The following EDIL3 variants were observed in gnomAD, a reference collection of about 807,000 sequenced individuals.
EDIL3 encodes the protein EGF-like repeat and discoidin I-like domain-containing protein 3.
In EDIL3, 37 loss-of-function variants were observed where a neutral mutation model predicts 67.4. The observed-to-expected ratio is 0.55, with a 90% CI of 0.42 to 0.72. The LOEUF is 0.72. Ranked by LOEUF, EDIL3 falls within the 30% of genes least tolerant of loss-of-function variation. The pLI is 0.00. For missense variants in EDIL3, 527 were observed against 586.3 expected, an observed-to-expected ratio of 0.90 and a Z score of 1.04; for synonymous variants, 195 against 196.3, an observed-to-expected ratio of 0.99 and a Z score of 0.05.
intron 3 of EDIL3, among the ~76,000 whole-genome samples, chr5:84,211,924 A>T (rs982794045): frequency 6.6e-6 from 1 of 152,224 alleles, no homozygotes; most frequent in Non-Finnish European, 1.5e-5. Context: ...TGCAATTTGC[A>T]CAAATCCAAG....
chr5:84,006,798 G>A (rs1215997854), intron 9 of EDIL3, among the ~76,000 whole-genome samples: 2 of 151,934 alleles, frequency 1.3e-5, no homozygotes, highest in Admixed American at 6.6e-5. Flanking sequence ...GAAATAAAAC[G>A]TTTAACATTA....
intron 10 of EDIL3, among the ~76,000 whole-genome samples, chr5:83,947,803 T>C (rs1309600348): frequency 6.6e-6 from 1 of 151,872 alleles, no homozygotes; most frequent in Non-Finnish European, 1.5e-5. Context: ...ACTTAGCTCA[T>C]CAAAAGAACT....
chr5:84,033,544 G>A (rs532225811), intron 9 of EDIL3, among the ~76,000 whole-genome samples: 1 of 151,700 alleles, frequency 6.6e-6, no homozygotes, highest in Non-Finnish European at 1.5e-5. Context: ...CTACCTAAAA[G>A]AACAATAAAA....
chr5:84,249,061 T>C (rs1464998461), intron 2 of EDIL3, among the ~76,000 whole-genome samples: 1 of 152,186 alleles, frequency 6.6e-6, no homozygotes, highest in African/African-American at 2.4e-5. Context: ...CTTGTCACCA[T>C]CCTCAGAGTC....
intron 3 of EDIL3, among the ~76,000 whole-genome samples, chr5:84,203,124 T>C (rs1028423176): frequency 2.6e-5 from 4 of 152,152 alleles, no homozygotes; most frequent in South Asian, 4.1e-4. Flanking sequence ...TTGTTGTTCA[T>C]GTCGAATGCT....
At chr5:84,360,729 T>C (rs1181800121) in intron 1 of EDIL3, among the ~76,000 whole-genome samples, 1 of 152,118 alleles carries the variant, frequency 6.6e-6, no homozygotes, top group African/African-American at 2.4e-5. Flanking sequence ...CAAAAAGTGG[T>C]CCTTTAGGAA....
At chr5:84,266,721 A>T (rs933399575) in intron 1 of EDIL3, among the ~76,000 whole-genome samples, 1 of 152,154 alleles carries the variant, frequency 6.6e-6, no homozygotes, top group Non-Finnish European at 1.5e-5. Context: ...CATTCCTATT[A>T]CTTATAACTA....
intron 9 of EDIL3, among the ~76,000 whole-genome samples, chr5:83,996,156 T>C (rs2112164496): frequency 6.6e-6 from 1 of 152,282 alleles, no homozygotes; most frequent in East Asian, 1.9e-4. Context: ...ATTATGTAAG[T>C]GCCATTGAAC....
At chr5:83,963,092 A>C in intron 10 of EDIL3, 113 bp downstream of exon 10, 1 of 1,258,124 alleles carries the variant, frequency 7.9e-7, no homozygotes, top group South Asian at 2.2e-5. Flanking sequence ...ATATATTTTC[A>C]GTATATATGG....
intron 9 of EDIL3, among the ~76,000 whole-genome samples, chr5:84,046,378 C>T (rs1200731076): frequency 1.3e-5 from 2 of 151,916 alleles, no homozygotes; most frequent in South Asian, 2.1e-4. Flanking sequence ...ACAGATATCC[C>T]CTGAAAAAAA....
chr5:84,271,494 A>C (rs1402969879), intron 1 of EDIL3, among the ~76,000 whole-genome samples: 1 of 151,908 alleles, frequency 6.6e-6, no homozygotes, highest in Admixed American at 6.6e-5. Context: ...CTATTGCAGA[A>C]GGAAAATTAA....
At chr5:83,970,205 G>A (rs577085944) in intron 9 of EDIL3, among the ~76,000 whole-genome samples, 1 of 148,156 alleles carries the variant, frequency 6.7e-6, no homozygotes, top group East Asian at 2.0e-4. Context: ...CTACATAAAT[G>A]TCACTAAGTG....
intron 1 of EDIL3, among the ~76,000 whole-genome samples, chr5:84,262,659 G>GTTTTTTTTTTTTT (rs773035274): frequency 0.011 from 517 of 46,318 alleles, 164 homozygotes; most frequent in Non-Finnish European, 0.013. Flanking sequence ...AGGTTGGTTG[G>GTTTTTTTTTTTTT]TTTTTTTTTT....
At chr5:84,374,609 G>C (rs1176845166) in intron 1 of EDIL3, among the ~76,000 whole-genome samples, 1 of 152,192 alleles carries the variant, frequency 6.6e-6, no homozygotes, top group Non-Finnish European at 1.5e-5. Context: ...GATGGCATAT[G>C]ATATGGTTTG....
At chr5:84,095,901 G>A (rs1392919680) in intron 6 of EDIL3, among the ~76,000 whole-genome samples, 1 of 152,204 alleles carries the variant, frequency 6.6e-6, no homozygotes, top group Non-Finnish European at 1.5e-5. Context: ...GGAAACAGTG[G>A]TTTTGTGGGC....
intron 1 of EDIL3, among the ~76,000 whole-genome samples, chr5:84,333,938 T>G (rs1412399960): frequency 6.6e-6 from 1 of 152,062 alleles, no homozygotes; most frequent in Non-Finnish European, 1.5e-5. Context: ...AAAAGTGCAA[T>G]AATTGTACAA....
intron 5 of EDIL3, among the ~76,000 whole-genome samples, chr5:84,130,914 T>C (rs1747953539): frequency 1.3e-5 from 2 of 152,186 alleles, no homozygotes; most frequent in Admixed American, 6.6e-5. Context: ...TTTAAACTTA[T>C]ATTAATGCCA....
intron 1 of EDIL3, among the ~76,000 whole-genome samples, chr5:84,334,197 G>T (rs1746938455): frequency 6.6e-6 from 1 of 151,600 alleles, no homozygotes; most frequent in African/African-American, 2.4e-5. Flanking sequence ...GCGTAGCTGA[G>T]ATTACAGGCA....
At chr5:84,306,473 T>C (rs149191138) in intron 1 of EDIL3, among the ~76,000 whole-genome samples, 277 of 152,324 alleles carry the variant, frequency 1.8e-3, no homozygotes, top group African/African-American at 6.2e-3. Flanking sequence ...GTGAACTAAA[T>C]AGAATTTTCC....
Sources: allele counts gnomAD v4.1 joint callset (sites outside exome capture counted in the v4.1 genomes callset), GRCh38; gene constraint gnomAD v4.1.1; transcripts MANE v1.5; gene names NCBI Gene and HGNC (gene_info 2026-07-23, HGNC 2026-07-21).